AKAP13: variants seen among roughly 807,000 people sequenced by gnomAD.
The protein encoded by AKAP13 is A-kinase anchoring protein 13.
AKAP13 carries 80 observed loss-of-function variants against 264.5 expected under a neutral mutation model. The ratio of observed to expected loss-of-function variants is 0.30; its 90% CI spans 0.25 to 0.36. AKAP13 has a LOEUF of 0.36. Ranked by LOEUF, AKAP13 falls within the 10% of genes least tolerant of loss-of-function variation. The pLI is 1.00. For synonymous variants in AKAP13, 1,380 were observed against 1,250.2 expected (o/e 1.10, Z -2.19); for missense variants, 3,712 against 3,435.2 (o/e 1.08, Z -2.01).
chr15:85,454,636 G>A (rs1011165883), intron 1 of AKAP13, among the ~76,000 whole-genome samples: 8 of 151,980 alleles, frequency 5.3e-5, no homozygotes, highest in African/African-American at 1.5e-4. Flanking sequence ...CTCCCTAGCC[G>A]TTTAAACTGT....
rs780657698 is a variant in AKAP13 at position 85,581,774 on chromosome 15, G to T, written c.3706G>T (p.Ala1236Ser). 8.7e-6 allele frequency: 14 copies of T among 1,614,148 alleles called. No individual in the cohort carries two copies. Among genetic ancestry groups the T allele is most frequent in the Non-Finnish European group, 1.2e-5 (14 of 1,180,000 alleles). The change falls in exon 7 of 37, where the codon GCC (alanine) becomes TCC (serine). Residue 1236 changes from alanine to serine, a missense_variant. Coordinates refer to ENST00000394518, the MANE Select transcript of AKAP13 (RefSeq NM_007200.5). Reference protein sequence around the residue: ...STPSLPCMVSAQDAPLPKGAD... With the variant: ...STPSLPCMVSSQDAPLPKGAD... Reference sequence around the variant, plus strand: ...TCCCTCTCTACCTTGCATGGTCTCTGCCCAGGACGCACCTCTGCCTAAGGG... The same window carrying T: ...TCCCTCTCTACCTTGCATGGTCTCTTCCCAGGACGCACCTCTGCCTAAGGG...
chr15:85,537,520 C>G (rs1243484488), intron 4 of AKAP13, among the ~76,000 whole-genome samples: 1 of 152,182 alleles, frequency 6.6e-6, no homozygotes, highest in Non-Finnish European at 1.5e-5. Flanking sequence ...TTGGAAATTG[C>G]TCAGATTTCT....
At chr15:85,446,436 G>A (rs2073900923) in intron 1 of AKAP13, among the ~76,000 whole-genome samples, 1 of 152,172 alleles carries the variant, frequency 6.6e-6, no homozygotes, top group Admixed American at 6.5e-5. Context: ...AAAGGACAAC[G>A]AATGAGCATG....
At chr15:85,511,009 T>C (rs2076397772) in intron 2 of AKAP13, among the ~76,000 whole-genome samples, 3 of 152,110 alleles carry the variant, frequency 2.0e-5, no homozygotes, top group Admixed American at 6.6e-5. Context: ...CAGGAATAGA[T>C]AGATGAAAGA....
intron 3 of AKAP13, among the ~76,000 whole-genome samples, chr15:85,530,586 T>C (rs892678077): frequency 6.6e-6 from 1 of 152,236 alleles, no homozygotes; most frequent in Admixed American, 6.5e-5. Context: ...ATCATCATCA[T>C]CATTGAATTG....
At chr15:85,494,935 C>G (rs2075830340) in intron 2 of AKAP13, among the ~76,000 whole-genome samples, 1 of 151,942 alleles carries the variant, frequency 6.6e-6, no homozygotes, top group Admixed American at 6.6e-5. Flanking sequence ...GTGCTCCTTT[C>G]TTGGTGGAGT....
intron 1 of AKAP13, among the ~76,000 whole-genome samples, chr15:85,388,794 G>A (rs11074191): frequency 0.71 from 107,584 of 152,050 alleles, 38,607 homozygotes; most frequent in Non-Finnish European, 0.78. Context: ...TTAAAAATAG[G>A]TTCTTGATCA....
chr15:85,511,504 C>G (rs1347273950), intron 2 of AKAP13, among the ~76,000 whole-genome samples: 1 of 152,190 alleles, frequency 6.6e-6, no homozygotes, highest in African/African-American at 2.4e-5. Flanking sequence ...AAAGCCCCAT[C>G]ATCTTATCAC....
At chr15:85,441,241 T>TAATG (rs55724754) in intron 1 of AKAP13, among the ~76,000 whole-genome samples, 37,786 of 151,848 alleles carry the variant, frequency 0.25, 6,247 homozygotes, top group Middle Eastern at 0.37. Flanking sequence ...TGTGTATTGA[T>TAATG]AATGACCAAT....
intron 1 of AKAP13, among the ~76,000 whole-genome samples, chr15:85,440,440 T>C (rs538335987): frequency 1.5e-4 from 23 of 152,258 alleles, no homozygotes; most frequent in Non-Finnish European, 2.6e-4. Flanking sequence ...TCATGGATTT[T>C]ATCTGGGAGG....
chr15:85,510,377 G>A (rs2076377680), intron 2 of AKAP13, among the ~76,000 whole-genome samples: 4 of 152,036 alleles, frequency 2.6e-5, no homozygotes, highest in Non-Finnish European at 5.9e-5. Flanking sequence ...TATTAATATA[G>A]CATTTGTTAT....
chr15:85,456,173 A>T (rs980592789), intron 1 of AKAP13, among the ~76,000 whole-genome samples: 1 of 152,186 alleles, frequency 6.6e-6, no homozygotes, highest in African/African-American at 2.4e-5. Flanking sequence ...AAAGAATCAT[A>T]CCCTTTCTGG....
At position 85,577,878 on chromosome 15, in the gene AKAP13, A is replaced by G. The variant is rs950138571; in HGVS notation, c.862-1052A>G. ...TTAAAGGACACTGAACTCAGTAAGT[A>G]TTTAGGGCACAGGCACATTGGCTGC... On this transcript the variant is annotated intron_variant, in intron 6 of 36. Coordinates refer to ENST00000394518, the MANE Select transcript of AKAP13 (RefSeq NM_007200.5). 10 of 957,244 alleles carry G rather than the reference A, an allele frequency of 1.0e-5. No homozygotes were observed. The Admixed American group carries it at 3.7e-4, about 35-fold the overall frequency. 59.3% of individuals were successfully genotyped at this position (957,244 alleles called of 1,614,324 possible). A position where few individuals can be genotyped will look rare whatever the true frequency, so the allele number is the denominator to read the frequency against.
At chr15:85,570,888 CAG>C (rs1431186921) in intron 5 of AKAP13, among the ~76,000 whole-genome samples, 2 of 151,468 alleles carry the variant, frequency 1.3e-5, no homozygotes, top group African/African-American at 4.9e-5. Context: ...CAGGAAGAAA[CAG>C]AGCAAAACCT....
chr15:85,460,248 A>G (rs1451561207), intron 1 of AKAP13, among the ~76,000 whole-genome samples: 1 of 152,096 alleles, frequency 6.6e-6, no homozygotes, highest in African/African-American at 2.4e-5. Context: ...TTTGCTATCA[A>G]ACTTCTAGCA....
At chr15:85,433,705 C>A (rs527886512) in intron 1 of AKAP13, among the ~76,000 whole-genome samples, 127 of 152,010 alleles carry the variant, frequency 8.4e-4, no homozygotes, top group African/African-American at 2.8e-3. Context: ...GCTTGTAATC[C>A]CAGCACTTTG....
At chr15:85,433,599 C>G (rs1025305497) in intron 1 of AKAP13, among the ~76,000 whole-genome samples, 3 of 152,036 alleles carry the variant, frequency 2.0e-5, no homozygotes, top group African/African-American at 7.2e-5. Flanking sequence ...ATCATCCCTT[C>G]TTGGTATTAG....
chr15:85,695,557 T>G (rs2085520598), intron 17 of AKAP13, among the ~76,000 whole-genome samples: 1 of 152,238 alleles, frequency 6.6e-6, no homozygotes, highest in South Asian at 2.1e-4. Context: ...GACTTTTTGA[T>G]ATGACTGACT....
chr15:85,419,935 G>GTTTTT lies in AKAP13; in HGVS notation c.-12+39157_-12+39161dup, dbSNP rs11452064. On this transcript the variant is annotated intron_variant, in intron 1 of 36. Coordinates refer to ENST00000394518, the MANE Select transcript of AKAP13 (RefSeq NM_007200.5). ...GCTTAAGTGTCTGAATCTGACTCTT[G>GTTTTT]TTTTTTTTTTTTTTTTTTTTTTTTG... is the stretch of plus-strand genomic sequence containing the variant. 8.6e-4 allele frequency among the ~76,000 whole-genome samples: 67 copies of GTTTTT among 77,990 alleles called. 3 individuals are homozygous for GTTTTT. The highest frequency in any genetic ancestry group is 2.0e-3 in the East Asian group (5 of 2,500). The allele number at this position is 77,990 out of a possible 152,430, so 51.2% of individuals were successfully genotyped here.
Sources: gnomAD v4.1 joint callset for allele counts (sites outside exome capture counted in the v4.1 genomes callset) on GRCh38, gnomAD v4.1.1 for gene constraint, MANE v1.5 for transcripts, NCBI Gene and HGNC (gene_info 2026-07-23, HGNC 2026-07-21) for gene names.